Variants in ANXA10 observed in about 807,000 individuals in gnomAD.
ANXA10 encodes annexin A10.
ANXA10 carries 49 observed loss-of-function variants against 53.5 expected under a neutral mutation model. That is an observed-to-expected ratio of 0.92 (90% CI 0.73 to 1.16). The LOEUF (loss-of-function observed/expected upper bound fraction) is 1.16, where lower values mean the gene tolerates loss of function less well. Ranked by LOEUF, ANXA10 falls within the 50% of genes most tolerant of loss-of-function variation. The pLI is 0.00. For missense variants in ANXA10, 393 were observed against 394.4 expected, an observed-to-expected ratio of 1.00 and a Z score of 0.03; for synonymous variants, 131 against 128.9, an observed-to-expected ratio of 1.02 and a Z score of -0.11.
At chr4:168,144,155 C>T (rs561135610) in intron 3 of ANXA10, among the ~76,000 whole-genome samples, 1 of 152,140 alleles carries the variant, frequency 6.6e-6, no homozygotes, top group Non-Finnish European at 1.5e-5. Flanking sequence ...TAAGTGTCCT[C>T]TCTCCAGGTG....
intron 1 of ANXA10, among the ~76,000 whole-genome samples, chr4:168,094,190 A>G (rs910574907): frequency 5.3e-5 from 8 of 152,160 alleles, no homozygotes; most frequent in African/African-American, 1.9e-4. Context: ...TGGGATTATT[A>G]AACATTACCA....
intron 10 of ANXA10, among the ~76,000 whole-genome samples, chr4:168,182,580 G>A (rs1375071528): frequency 2.4e-4 from 36 of 149,332 alleles, no homozygotes; most frequent in Non-Finnish European, 4.0e-4. Flanking sequence ...TGATCCGCCC[G>A]CCTCGGCCTC....
intron 3 of ANXA10, among the ~76,000 whole-genome samples, chr4:168,143,544 A>G (rs1212991432): frequency 1.3e-5 from 2 of 152,216 alleles, no homozygotes; most frequent in Non-Finnish European, 2.9e-5. Flanking sequence ...GTAATTCATG[A>G]GGTCACTTCT....
intron 1 of ANXA10, among the ~76,000 whole-genome samples, chr4:168,116,029 C>A (rs1225117723): frequency 6.6e-6 from 1 of 151,824 alleles, no homozygotes; most frequent in Non-Finnish European, 1.5e-5. Flanking sequence ...CTTTGAAAAG[C>A]AAGAAAAGGA....
intron 5 of ANXA10, 78 bp downstream of exon 5, chr4:168,164,366 T>C: frequency 9.3e-7 from 1 of 1,076,006 alleles, no homozygotes; most frequent in Non-Finnish European, 1.4e-6. Context: ...AGTTTATGTA[T>C]TTTGAAGAAT....
intron 9 of ANXA10, among the ~76,000 whole-genome samples, chr4:168,181,260 G>A (rs688988): frequency 0.64 from 96,646 of 151,292 alleles, 31,987 homozygotes; most frequent in African/African-American, 0.81. Flanking sequence ...GCGTGGTGGC[G>A]GGCGCCTGTA....
intron 1 of ANXA10, among the ~76,000 whole-genome samples, chr4:168,105,302 G>C (rs190507494): frequency 3.9e-5 from 6 of 151,902 alleles, no homozygotes; most frequent in African/African-American, 1.4e-4. Flanking sequence ...AGTTTCTGTT[G>C]TTCCCTTCTA....
At position 168,129,186 on chromosome 4, in the gene ANXA10, A is replaced by T. The variant is rs542661398; in HGVS notation, c.100+1021A>T. Among the ~76,000 whole-genome samples, 7 of 152,250 alleles carry T rather than the reference A, an allele frequency of 4.6e-5. No homozygotes were observed. In the South Asian group the frequency reaches 1.5e-3, roughly 32 times the overall value. ...TGTGTGTGTGTATGCATGAATGCAC[A>T]TCTGTGTGTTTTATTCACTAGCAGT... On this transcript the variant is annotated intron_variant, in intron 2 of 11. Coordinates refer to ENST00000359299, the MANE Select transcript of ANXA10 (RefSeq NM_007193.5).
In ANXA10 at chr4:168,136,766, C is replaced by T. The variant is rs111964837; in HGVS notation, c.101-2720C>T. On this transcript the variant is annotated intron_variant, in intron 2 of 11. Coordinates refer to ENST00000359299, the MANE Select transcript of ANXA10 (RefSeq NM_007193.5). ...CATTCTAGGATCTGAAGGATGGTGG[C>T]CCCCTTCTCAAAGCTCCACTAGGCA... is the stretch of plus-strand genomic sequence containing the variant. Among the ~76,000 whole-genome samples, 269 of 152,266 alleles carry T rather than the reference C, an allele frequency of 1.8e-3. 1 individual carries two copies. The highest frequency in any genetic ancestry group is 0.01 in the Middle Eastern group (3 of 294).
chr4:168,183,378 T>C (rs1039733846), intron 10 of ANXA10, among the ~76,000 whole-genome samples: 1 of 152,232 alleles, frequency 6.6e-6, no homozygotes, highest in Non-Finnish European at 1.5e-5. Context: ...GTTAAACATT[T>C]ATTTGAAATA....
chr4:168,129,557 G>A (rs1301016190), intron 2 of ANXA10, among the ~76,000 whole-genome samples: 1 of 152,032 alleles, frequency 6.6e-6, no homozygotes, highest in Non-Finnish European at 1.5e-5. Context: ...TTGATTGCAC[G>A]GTGTCCACTG....
intron 1 of ANXA10, among the ~76,000 whole-genome samples, chr4:168,103,329 T>A (rs1228375933): frequency 6.6e-6 from 1 of 152,008 alleles, no homozygotes; most frequent in Non-Finnish European, 1.5e-5. Flanking sequence ...AAATTTTGAA[T>A]CAATTTTTGT....
chr4:168,170,791 A>T (rs1411783662), intron 6 of ANXA10, among the ~76,000 whole-genome samples: 1 of 152,168 alleles, frequency 6.6e-6, no homozygotes, highest in Non-Finnish European at 1.5e-5. Flanking sequence ...TTTCCTTAAA[A>T]TATAAAATAC....
intron 2 of ANXA10, among the ~76,000 whole-genome samples, chr4:168,134,391 T>C (rs979803121): frequency 9.2e-5 from 14 of 152,158 alleles, no homozygotes; most frequent in Admixed American, 3.3e-4. Context: ...AAAATATCTC[T>C]GGAAGAATAA....
intron 6 of ANXA10, among the ~76,000 whole-genome samples, chr4:168,176,121 C>T (rs937001201): frequency 6.6e-6 from 1 of 152,020 alleles, no homozygotes; most frequent in African/African-American, 2.4e-5. Context: ...TAATGAACTA[C>T]CTTGGCAACA....
chr4:168,126,561 C>G (rs904411079), intron 1 of ANXA10, among the ~76,000 whole-genome samples: 2 of 152,142 alleles, frequency 1.3e-5, no homozygotes, highest in Non-Finnish European at 2.9e-5. Flanking sequence ...CTTCCCAGAT[C>G]GCTTATTCAT....
chr4:168,115,734 G>A (rs978802609), intron 1 of ANXA10, among the ~76,000 whole-genome samples: 5 of 152,108 alleles, frequency 3.3e-5, no homozygotes, highest in Non-Finnish European at 7.4e-5. Flanking sequence ...AGTTAAATTT[G>A]GATTTGAATG....
intron 2 of ANXA10, among the ~76,000 whole-genome samples, chr4:168,137,605 T>C (rs1731257935): frequency 1.3e-5 from 2 of 152,318 alleles, no homozygotes; most frequent in Admixed American, 1.3e-4. Flanking sequence ...AAAGACAAGA[T>C]TTCATTCTTT....
At chr4:168,103,825 A>G (rs1730678390) in intron 1 of ANXA10, among the ~76,000 whole-genome samples, 1 of 151,856 alleles carries the variant, frequency 6.6e-6, no homozygotes, top group Admixed American at 6.6e-5. Context: ...ATCTTTTTAA[A>G]TAACTGTCAG....
Sources: allele counts gnomAD v4.1 joint callset (sites outside exome capture counted in the v4.1 genomes callset), GRCh38; gene constraint gnomAD v4.1.1; transcripts MANE v1.5; gene names NCBI Gene and HGNC (gene_info 2026-07-23, HGNC 2026-07-21).